The following LRP2 variants were observed in gnomAD, a reference collection of about 807,000 sequenced individuals.
LRP2 encodes low-density lipoprotein receptor-related protein 2.
LRP2 carries 172 observed loss-of-function variants against 531.0 expected under a neutral mutation model. That is an observed-to-expected ratio of 0.32 (90% CI 0.29 to 0.37). LRP2 has a LOEUF of 0.37. Among genes scored for constraint, LRP2 ranks in the 10% least tolerant of loss-of-function variants. The pLI, the probability that LRP2 is intolerant of heterozygous loss-of-function variation, is 1.00. For synonymous variants in LRP2, 1,992 were observed against 2,027.6 expected, an observed-to-expected ratio of 0.98 and a Z score of 0.47; for missense variants, 5,167 against 5,868.3, an observed-to-expected ratio of 0.88 and a Z score of 3.90.
chr2:169,162,449 T>A, intron 63 of LRP2, 23 bp downstream of exon 63: 1 of 1,613,754 alleles, frequency 6.2e-7, no homozygotes, highest in Non-Finnish European at 8.5e-7. Flanking sequence ...TACAATGAAC[T>A]ATAAAAACAA....
At chr2:169,294,741 G>C (rs1273004332) in intron 4 of LRP2, 31 bp from the exon 5 acceptor site, 1 of 989,054 alleles carries the variant, frequency 1.0e-6, no homozygotes, top group Admixed American at 2.1e-5. Flanking sequence ...AAAAAAAAAA[G>C]GAAAAGGAAA....
At chr2:169,343,198 C>T (rs1559084506) in intron 1 of LRP2, among the ~76,000 whole-genome samples, 3 of 152,214 alleles carry the variant, frequency 2.0e-5, no homozygotes, top group South Asian at 2.1e-4. Context: ...GGTCCACCAA[C>T]GTTTGAACTT....
intron 48 of LRP2, among the ~76,000 whole-genome samples, chr2:169,188,930 G>A (rs1687734052): frequency 6.6e-6 from 1 of 152,170 alleles, no homozygotes; most frequent in African/African-American, 2.4e-5. Context: ...TCATGGTGAT[G>A]TGAATAAAGG....
intron 46 of LRP2, among the ~76,000 whole-genome samples, chr2:169,195,558 C>T (rs575203715): frequency 7.4e-4 from 112 of 151,978 alleles, no homozygotes; most frequent in Non-Finnish European, 1.3e-3. Flanking sequence ...AGATTATGTG[C>T]TTATTTTTAT....
At chr2:169,328,079 G>A (rs1356246603) in intron 1 of LRP2, among the ~76,000 whole-genome samples, 103 of 135,940 alleles carry the variant, frequency 7.6e-4, no homozygotes, top group Middle Eastern at 4.2e-3. Context: ...TCAGCCCCCC[G>A]CCCAGCCAGC....
intron 1 of LRP2, among the ~76,000 whole-genome samples, chr2:169,351,323 A>G (rs1369725557): frequency 6.6e-6 from 1 of 152,258 alleles, no homozygotes; most frequent in Admixed American, 6.5e-5. Flanking sequence ...GCACATCTGT[A>G]CAAGAATTTT....
At position 169,147,291 on chromosome 2, in the gene LRP2, C is replaced by G. The variant is rs192095749; in HGVS notation, c.12591-332G>C. On this transcript the variant is annotated intron_variant, in intron 68 of 78. Transcript: ENST00000649046. ...TTGAAGGCCTACTGTGTAAGAGGCA[C>G]TGTTCTGTGTTTGGGATCTATCAGA... 2.6e-5 allele frequency among the ~76,000 whole-genome samples: 4 copies of G among 152,292 alleles called. No individual in the cohort carries two copies. In the East Asian group the frequency reaches 7.7e-4, roughly 29 times the overall value.
At position 169,216,295 on chromosome 2, in the gene LRP2, G is replaced by A. The variant is rs137904820; in HGVS notation, c.5784C>T (p.Ile1928=). The A allele has an allele frequency of 1.5e-5, 24 of 1,613,418 alleles. No homozygotes were observed. Among genetic ancestry groups the A allele is most frequent in the African/African-American group, 8.0e-5 (6 of 74,840 alleles). ...LEHLECVTLD[I]EEQKLYWAVT... Reference sequence around the variant, plus strand: ...CTGCCCAGTAGAGTTTCTGCTCTTCGATGTCAAGAGTGACACACTCCAGGT... The same window carrying A: ...CTGCCCAGTAGAGTTTCTGCTCTTCAATGTCAAGAGTGACACACTCCAGGT... Residue 1928 remains isoleucine (I), a synonymous_variant, in exon 35 of 79, where the codon ATC becomes ATT. Coordinates refer to ENST00000649046, the MANE Select transcript of LRP2 (RefSeq NM_004525.3).
At chr2:169,347,720 T>C (rs186363167) in intron 1 of LRP2, among the ~76,000 whole-genome samples, 26 of 152,284 alleles carry the variant, frequency 1.7e-4, no homozygotes, top group African/African-American at 5.8e-4. Flanking sequence ...CTCTGTTCAA[T>C]AGTAAGTTGT....
At chr2:169,236,363 T>A (rs569349747) in intron 28 of LRP2, among the ~76,000 whole-genome samples, 1 of 152,346 alleles carries the variant, frequency 6.6e-6, no homozygotes, top group Admixed American at 6.5e-5. Context: ...TGTTTGTTTA[T>A]AATCCACAAA....
At chr2:169,228,272 T>A (rs1689271105) in intron 31 of LRP2, among the ~76,000 whole-genome samples, 1 of 147,266 alleles carries the variant, frequency 6.8e-6, no homozygotes, top group Admixed American at 6.8e-5. Flanking sequence ...TTCTTGAGTA[T>A]CAAATTACCA....
At chr2:169,339,989 T>C (rs929609367) in intron 1 of LRP2, among the ~76,000 whole-genome samples, 38 of 152,184 alleles carry the variant, frequency 2.5e-4, no homozygotes, top group Non-Finnish European at 1.6e-4. Context: ...ATCTGTACTA[T>C]ATAAGGTCAA....
chr2:169,306,937 T>C (rs1441273575), intron 4 of LRP2, among the ~76,000 whole-genome samples: 1 of 152,208 alleles, frequency 6.6e-6, no homozygotes, highest in Non-Finnish European at 1.5e-5. Context: ...ACCTAGAAAC[T>C]TACTATAGCT....
intron 19 of LRP2, among the ~76,000 whole-genome samples, chr2:169,248,089 A>G (rs1177004181): frequency 6.6e-6 from 1 of 152,218 alleles, no homozygotes; most frequent in Non-Finnish European, 1.5e-5. Context: ...ATGTTTGAGG[A>G]TCAATAAAAA....
At chr2:169,140,401 A>C in intron 72 of LRP2, 54 bp downstream of exon 72, 1 of 1,441,592 alleles carries the variant, frequency 6.9e-7, no homozygotes. Context: ...TAAGGTCTCA[A>C]ATTTCCCCAG....
At chr2:169,216,504 G>C in intron 34 of LRP2, 74 bp from the exon 35 acceptor site, 1 of 1,402,764 alleles carries the variant, frequency 7.1e-7, no homozygotes, top group Non-Finnish European at 1.0e-6. Context: ...ATGACAATGT[G>C]TATTACTTGT....
intron 49 of LRP2, among the ~76,000 whole-genome samples, chr2:169,187,438 AGG>A (rs1687672765): frequency 6.6e-6 from 1 of 152,248 alleles, no homozygotes; most frequent in Non-Finnish European, 1.5e-5. Flanking sequence ...AATGGTTACA[AGG>A]ATTAAACACC....
At chr2:169,324,265 C>T (rs1228750673) in intron 1 of LRP2, among the ~76,000 whole-genome samples, 1 of 152,070 alleles carries the variant, frequency 6.6e-6, no homozygotes, top group African/African-American at 2.4e-5. Context: ...GCTCTGATTC[C>T]AGCATTCGTG....
chr2:169,181,936 A>G (rs1687452616), intron 51 of LRP2, among the ~76,000 whole-genome samples: 1 of 152,216 alleles, frequency 6.6e-6, no homozygotes, highest in African/African-American at 2.4e-5. Context: ...AAAATACAGG[A>G]CTTGAAAAGT....
Sources: gnomAD v4.1 joint callset for allele counts (sites outside exome capture counted in the v4.1 genomes callset) on GRCh38, gnomAD v4.1.1 for gene constraint, MANE v1.5 for transcripts, NCBI Gene and HGNC (gene_info 2026-07-23, HGNC 2026-07-21) for gene names.